Variants in GPS1 observed in about 807,000 individuals in gnomAD.
GPS1 encodes G protein pathway suppressor 1.
In GPS1, 11 loss-of-function variants were observed where a neutral mutation model predicts 60.0. The observed-to-expected ratio is 0.18, with a 90% CI of 0.12 to 0.30. The LOEUF (loss-of-function observed/expected upper bound fraction) is 0.30. Ranked by LOEUF, GPS1 falls within the 10% of genes least tolerant of loss-of-function variation. GPS1 has a pLI of 1.00. For synonymous variants in GPS1, 343 were observed against 269.8 expected (o/e 1.27, Z -2.66); for missense variants, 543 against 669.2 (o/e 0.81, Z 2.08).
intron 1 of GPS1, chr17:82,052,360 C>T (rs1252729102): frequency 1.2e-6 from 2 of 1,612,660 alleles, no homozygotes; most frequent in Non-Finnish European, 8.5e-7. Flanking sequence ...CAGATCTGTA[C>T]TGCACCCCTC....
Position 82,056,740 on chromosome 17 carries a change from A to G in GPS1, c.1228A>G (p.Ser410Gly), listed in dbSNP as rs1312447157. The change falls in exon 11 of 13, where the codon AGT becomes GGT. Residue 410 changes from serine (S) to glycine (G), a missense_variant. This residue lies in a region of GPS1 where 291 missense variants were observed against 353.7 expected (regional missense o/e 0.82). Coordinates refer to ENST00000578552, the MANE Select transcript of GPS1 (RefSeq NM_001321092.3). ...GCAGCTAATCCTGGAGGGGCTGATC[A>G]GTGCCCGTGTGGACTCACACAGCAA... ...LTQLILEGLI[S>G]ARVDSHSKIL... The G allele has an allele frequency of 1.3e-6, 2 of 1,586,586 alleles. No homozygotes were observed. The highest frequency in any genetic ancestry group is 3.4e-5 in the Admixed American group (2 of 58,080).
At chr17:82,052,420 C>G in intron 1 of GPS1, 1 of 1,611,584 alleles carries the variant, frequency 6.2e-7, no homozygotes, top group South Asian at 1.1e-5. Flanking sequence ...GGGACTTCAG[C>G]CTGAGCGCCA....
chr17:82,056,589 A>G, intron 10 of GPS1, 39 bp downstream of exon 10: 1 of 1,612,534 alleles, frequency 6.2e-7, no homozygotes, highest in Non-Finnish European at 8.5e-7. Flanking sequence ...GCAGGCGGGC[A>G]TGCAGGGGGC....
At chr17:82,055,696 C>A (rs1205878600) in intron 6 of GPS1, 44 bp from the exon 7 acceptor site, 1 of 1,332,164 alleles carries the variant, frequency 7.5e-7, no homozygotes. Context: ...GCTCTGGGGT[C>A]TTACCCCCTC....
intron 2 of GPS1, 132 bp from the exon 3 acceptor site, chr17:82,053,736 T>C (rs1418022433): frequency 7.0e-6 from 6 of 862,762 alleles, no homozygotes; most frequent in Non-Finnish European, 1.0e-5. Flanking sequence ...CGTACCCCCA[T>C]GCCCGGTTCT....
At chr17:82,051,280 T>C (rs28552909), upstream of GPS1, 116,407 of 1,362,878 alleles carry the variant, frequency 0.085, 5,190 homozygotes, top group African/African-American at 0.13. The surrounding 1 kb of genome is among the most constrained non-coding windows in gnomAD (Gnocchi z 4.1). Flanking sequence ...CGCCGGGGAG[T>C]GGGGGACACT....
chr17:82,054,444 C>T (rs750538430), intron 3 of GPS1, 66 bp from the exon 4 acceptor site: 57 of 1,436,648 alleles, frequency 4.0e-5, no homozygotes, highest in South Asian at 2.6e-4. Context: ...CTGAGATTGG[C>T]GGCTTCCTCC....
chr17:82,053,715 GCAGT>G, intron 2 of GPS1, 149 bp from the exon 3 acceptor site: 2 of 733,828 alleles, frequency 2.7e-6, no homozygotes, highest in Non-Finnish European at 4.3e-6. Context: ...TCCTGGGACA[GCAGT>G]CAGTCTCGTA....
upstream of GPS1, chr17:82,051,162 C>T (rs2030494759): frequency 2.3e-6 from 3 of 1,302,732 alleles, no homozygotes; most frequent in Admixed American, 4.0e-5. The surrounding 1 kb of genome is among the most constrained non-coding windows in gnomAD (Gnocchi z 4.1). Context: ...ACCTGGGCAG[C>T]GTCGGGGCCT....
chr17:82,051,623 G>A (rs1598474721), upstream of GPS1: 5 of 1,179,052 alleles, frequency 4.2e-6, no homozygotes, highest in African/African-American at 4.9e-5. The surrounding 1 kb of genome is among the most constrained non-coding windows in gnomAD (Gnocchi z 4.1). Flanking sequence ...CAGCGGGCCG[G>A]GACGGGGGCG....
In GPS1 at chr17:82,054,523, G is replaced by A. The variant is rs773344800; in HGVS notation, c.322G>A (p.Ala108Thr). ...LSEATRELQN[A>T]PDAIPESGVE... ...GTCCTCTCTCAGGGAGCTGCAGAAC[G>A]CACCCGACGCCATCCCTGAGAGCGG... The change falls in exon 4 of 13, where the codon GCA (alanine) becomes ACA (threonine). Residue 108 changes from alanine to threonine, a missense_variant. By Grantham distance (58) the Ala-to-Thr change is moderately conservative. Coordinates refer to ENST00000578552, the MANE Select transcript of GPS1 (RefSeq NM_001321092.3). 21 of 1,539,322 alleles carry A rather than the reference G, an allele frequency of 1.4e-5. No homozygotes were observed. The highest frequency in any genetic ancestry group is 6.8e-5 in the East Asian group (3 of 43,844).
In GPS1 at chr17:82,053,916, C is replaced by T. The variant is rs2031818050; in HGVS notation, c.175C>T (p.Arg59Trp). The T allele has an allele frequency of 6.8e-6, 11 of 1,612,784 alleles. No individual in the cohort carries two copies. The highest frequency in any genetic ancestry group is 9.3e-6 in the Non-Finnish European group (11 of 1,179,910). ...CTACAGCGGCCTGATGCGCATCGAACGGCTGCAGTTCATTGCTGATCACTG... is the reference window on the plus strand; with the variant it reads ...CTACAGCGGCCTGATGCGCATCGAATGGCTGCAGTTCATTGCTGATCACTG... ...ASYSGLMRIERLQFIADHCPT... is the reference protein window; with the variant it reads ...ASYSGLMRIEWLQFIADHCPT... The change falls in exon 3 of 13, where the codon CGG (arginine) becomes TGG (tryptophan). Residue 59 changes from arginine (R) to tryptophan (W), a missense_variant. This residue lies in a region of GPS1 where 181 missense variants were observed against 188.8 expected (regional missense o/e 0.96). Transcript: ENST00000578552.
chr17:82,054,412 C>T (rs540783793), intron 3 of GPS1, 98 bp from the exon 4 acceptor site: 202 of 1,405,940 alleles, frequency 1.4e-4, no homozygotes, highest in Admixed American at 2.3e-4. Context: ...ACCTGTGTGC[C>T]GGTTGGGCCT....
At chr17:82,051,281 G>T, upstream of GPS1, 1 of 1,381,562 alleles carries the variant, frequency 7.2e-7, no homozygotes, top group Non-Finnish European at 9.4e-7. The surrounding 1 kb of genome is among the most constrained non-coding windows in gnomAD (Gnocchi z 4.1). Context: ...GCCGGGGAGT[G>T]GGGGACACTC....
chr17:82,055,630 C>T (rs566462906), intron 6 of GPS1, 110 bp from the exon 7 acceptor site: 3 of 723,540 alleles, frequency 4.1e-6, no homozygotes, highest in Non-Finnish European at 7.1e-6. Flanking sequence ...GAGAGGCCAG[C>T]GAGCCGGCTG....
chr17:82,055,218 C>T lies in GPS1; in HGVS notation c.744C>T (p.Ala248=), dbSNP rs369253146. The T allele has an allele frequency of 3.0e-5, 47 of 1,553,648 alleles. No homozygotes were observed. The highest frequency in any genetic ancestry group is 9.7e-5 in the East Asian group (4 of 41,070). The stretch of plus-strand genomic sequence containing the variant: ...CCATCCTCACCAAGCTCAAGTGTGC[C>T]GCAGGTGAGGGCCTGGGTCACGCCC... ...TQAILTKLKC[A]AGLAELAARK... The change falls in exon 6 of 13, where the codon GCC becomes GCT. Residue 248 remains alanine, a synonymous_variant. Transcript: ENST00000578552.
At position 82,055,725 on chromosome 17, in the gene GPS1, G is replaced by A. The variant is rs1454441302; in HGVS notation, c.749-15G>A. 3.0e-6 allele frequency: 2 copies of A among 670,754 alleles called. No homozygotes were observed. The highest frequency in any genetic ancestry group is 4.8e-6 in the Non-Finnish European group (2 of 413,782). 41.6% of individuals were successfully genotyped at this position (670,754 alleles called of 1,614,324 possible). On this transcript the variant is annotated splice_polypyrimidine_tract_variant and intron_variant, in intron 6 of 12. Transcript: ENST00000578552. ...CCCCCTCTCCCCCCTCCCCGCCCCCGGCTCCTTCCACTAGGCTTGGCAGAG... is the reference window on the plus strand; with the variant it reads ...CCCCCTCTCCCCCCTCCCCGCCCCCAGCTCCTTCCACTAGGCTTGGCAGAG...
At chr17:82,053,506 C>A in intron 2 of GPS1, 140 bp downstream of exon 2, 1 of 618,854 alleles carries the variant, frequency 1.6e-6, no homozygotes, top group Non-Finnish European at 2.6e-6. Context: ...CCGAAACCAT[C>A]AGCGTTTCTG....
intron 8 of GPS1, 35 bp from the exon 9 acceptor site, chr17:82,056,251 C>T (rs979097495): frequency 2.0e-6 from 3 of 1,473,362 alleles, no homozygotes; most frequent in African/African-American, 1.4e-5. Flanking sequence ...GAGGGGCAGG[C>T]AGAGGACAGA....
Sources: gnomAD v4.1 joint callset for allele counts on GRCh38, gnomAD v4.1.1 for gene constraint, gnomAD v4.1.1 regional missense constraint, Gnocchi (gnomAD v3.1) non-coding constraint, MANE v1.5 for transcripts, NCBI Gene and HGNC (gene_info 2026-07-23, HGNC 2026-07-21) for gene names.